FAR2: variants seen among roughly 807,000 people sequenced by gnomAD.
The protein encoded by FAR2 is epididymis secretory protein Li 81.
Under a neutral mutation model 56.0 loss-of-function variants are expected in FAR2, and 19 were observed. The ratio of observed to expected loss-of-function variants is 0.34; its 90% CI spans 0.24 to 0.50. FAR2 has a LOEUF of 0.50. Ranked by LOEUF, FAR2 falls within the 20% of genes least tolerant of loss-of-function variation. FAR2 has a pLI of 0.98. For synonymous variants in FAR2, 219 were observed against 218.8 expected, an observed-to-expected ratio of 1.00 and a Z score of -0.01; for missense variants, 508 against 642.2, an observed-to-expected ratio of 0.79 and a Z score of 2.26.
At chr12:29,329,105 T>C (rs1949693378) in intron 10 of FAR2, among the ~76,000 whole-genome samples, 1 of 152,132 alleles carries the variant, frequency 6.6e-6, no homozygotes, top group Non-Finnish European at 1.5e-5. Flanking sequence ...TCTGAAATCA[T>C]TGCTCCCTCT....
chr12:29,199,586 C>G (rs750653547), intron 1 of FAR2, among the ~76,000 whole-genome samples: 2 of 134,818 alleles, frequency 1.5e-5, no homozygotes, highest in Non-Finnish European at 3.1e-5. Flanking sequence ...GGGGACAGAG[C>G]GAGACCCCGT....
chr12:29,196,313 T>G (rs557545978), intron 1 of FAR2, among the ~76,000 whole-genome samples: 4 of 152,150 alleles, frequency 2.6e-5, no homozygotes, highest in African/African-American at 9.7e-5. Context: ...CAACAGTATA[T>G]AAGCATTCTC....
At chr12:29,218,290 T>C (rs7975868) in intron 1 of FAR2, among the ~76,000 whole-genome samples, 76,874 of 150,768 alleles carry the variant, frequency 0.51, 19,761 homozygotes, top group South Asian at 0.6. Context: ...ACCTGGGAGG[T>C]GGAGCTTGCA....
At chr12:29,163,943 G>A (rs1387245039) in intron 1 of FAR2, among the ~76,000 whole-genome samples, 1 of 152,202 alleles carries the variant, frequency 6.6e-6, no homozygotes, top group East Asian at 1.9e-4. Context: ...TCTGTAAAAT[G>A]CAGGTGAAAT....
chr12:29,247,331 T>C (rs1948144403), intron 1 of FAR2, among the ~76,000 whole-genome samples: 3 of 152,214 alleles, frequency 2.0e-5, no homozygotes, highest in Admixed American at 1.3e-4. Flanking sequence ...TAATAAATAC[T>C]GTGTCTAATC....
intron 1 of FAR2, among the ~76,000 whole-genome samples, chr12:29,226,043 A>G (rs1279787850): frequency 2.6e-5 from 4 of 152,190 alleles, no homozygotes; most frequent in Non-Finnish European, 5.9e-5. Context: ...CAAATTACTT[A>G]AGCTCTCTGC....
intron 2 of FAR2, among the ~76,000 whole-genome samples, chr12:29,290,572 C>T (rs1329979544): frequency 6.6e-6 from 1 of 152,162 alleles, no homozygotes; most frequent in Non-Finnish European, 1.5e-5. Flanking sequence ...CAGTACTGCT[C>T]ACACTAGCTA....
chr12:29,183,675 A>T (rs529304756), intron 1 of FAR2, among the ~76,000 whole-genome samples: 1 of 152,364 alleles, frequency 6.6e-6, no homozygotes, highest in African/African-American at 2.4e-5. Context: ...TTTCATTTGA[A>T]ATATGGCTAT....
chr12:29,305,248 C>T (rs1258759064), intron 4 of FAR2, among the ~76,000 whole-genome samples: 1 of 152,140 alleles, frequency 6.6e-6, no homozygotes, highest in Non-Finnish European at 1.5e-5. Context: ...ATCCTCCTGC[C>T]TCAGCCTCCT....
At chr12:29,183,182 C>G (rs1351887268) in intron 1 of FAR2, among the ~76,000 whole-genome samples, 5 of 152,132 alleles carry the variant, frequency 3.3e-5, no homozygotes, top group Admixed American at 3.3e-4. Context: ...AATACACTCT[C>G]CTGGTTTTCC....
intron 1 of FAR2, among the ~76,000 whole-genome samples, chr12:29,150,454 T>C (rs1466759): frequency 0.96 from 146,149 of 152,268 alleles, 70,419 homozygotes; most frequent in East Asian, 1. Flanking sequence ...TTTGCTAGGT[T>C]GAGAGAAATT....
intron 1 of FAR2, among the ~76,000 whole-genome samples, chr12:29,150,226 T>A (rs1287464846): frequency 2.0e-5 from 3 of 152,158 alleles, no homozygotes; most frequent in Admixed American, 6.5e-5. Flanking sequence ...TCATGCCCAA[T>A]CGTATCCTAC....
At chr12:29,249,122 A>G (rs938207654) in intron 1 of FAR2, among the ~76,000 whole-genome samples, 2 of 152,206 alleles carry the variant, frequency 1.3e-5, no homozygotes, top group African/African-American at 2.4e-5. Context: ...ATAGGAAATC[A>G]CCAGGGTATT....
chr12:29,209,958 G>A (rs181244357), intron 1 of FAR2, among the ~76,000 whole-genome samples: 15 of 152,176 alleles, frequency 9.9e-5, no homozygotes, highest in Admixed American at 6.5e-5. Context: ...TGTAATTCTA[G>A]CACTTTGGGA....
chr12:29,209,442 C>T (rs1190752009), intron 1 of FAR2, among the ~76,000 whole-genome samples: 1 of 152,148 alleles, frequency 6.6e-6, no homozygotes, highest in African/African-American at 2.4e-5. Context: ...TGGTGTCTTC[C>T]TTTAGGACAG....
At chr12:29,277,786 G>A (rs1051498802) in intron 2 of FAR2, 1 of 152,038 alleles carries the variant, frequency 6.6e-6, no homozygotes, top group African/African-American at 2.4e-5. Flanking sequence ...GACTATGTAA[G>A]GCAAAAATTT....
chr12:29,149,779 G>A (rs1038759543), intron 1 of FAR2, among the ~76,000 whole-genome samples: 1 of 152,338 alleles, frequency 6.6e-6, no homozygotes, highest in East Asian at 1.9e-4. Context: ...GAGGCGCGGG[G>A]CCGAGTCCCA....
intron 1 of FAR2, among the ~76,000 whole-genome samples, chr12:29,150,649 C>T (rs1219123383): frequency 2.6e-5 from 4 of 152,136 alleles, no homozygotes; most frequent in Non-Finnish European, 5.9e-5. Flanking sequence ...CAGGCATTTC[C>T]GCAGAAGGGA....
intron 1 of FAR2, among the ~76,000 whole-genome samples, chr12:29,218,813 C>T (rs1440906427): frequency 6.6e-6 from 1 of 152,008 alleles, no homozygotes; most frequent in Non-Finnish European, 1.5e-5. Flanking sequence ...TCTCAGAAAC[C>T]ATGAAAATCA....
Sources: allele counts gnomAD v4.1 joint callset (sites outside exome capture counted in the v4.1 genomes callset), GRCh38; gene constraint gnomAD v4.1.1; transcripts MANE v1.5; gene names NCBI Gene and HGNC (gene_info 2026-07-23, HGNC 2026-07-21).